The following LRMDA variants were observed in gnomAD, a reference collection of about 807,000 sequenced individuals.
The protein encoded by LRMDA is leucine-rich melanocyte differentiation-associated protein.
A neutral mutation model predicts 29.8 loss-of-function variants in LRMDA; 18 were observed. That is an observed-to-expected ratio of 0.60 (90% CI 0.42 to 0.90). The LOEUF (loss-of-function observed/expected upper bound fraction) is 0.90. LRMDA is among the 40% of genes least tolerant of loss of function. The pLI, the probability that LRMDA is intolerant of heterozygous loss-of-function variation, is 0.00. For synonymous variants in LRMDA, 125 were observed against 109.4 expected, an observed-to-expected ratio of 1.14 and a Z score of -0.89; for missense variants, 273 against 273.9, an observed-to-expected ratio of 1.00 and a Z score of 0.02.
chr10:75,609,564 T>G (rs1841001792), intron 2 of LRMDA, among the ~76,000 whole-genome samples: 1 of 152,154 alleles, frequency 6.6e-6, no homozygotes, highest in Non-Finnish European at 1.5e-5. Flanking sequence ...ATTGATTAAG[T>G]TGATGTAAGC....
chr10:75,517,364 CT>C (rs1291140326), intron 2 of LRMDA, among the ~76,000 whole-genome samples: 1 of 152,168 alleles, frequency 6.6e-6, no homozygotes, highest in Admixed American at 6.5e-5. Context: ...TTTGTGTCCT[CT>C]TTTATTTTGT....
chr10:75,984,483 G>C (rs1400987556), intron 2 of LRMDA, among the ~76,000 whole-genome samples: 1 of 152,224 alleles, frequency 6.6e-6, no homozygotes, highest in African/African-American at 2.4e-5. Context: ...CCATGTGGCT[G>C]GTCACGGTCC....
At chr10:76,161,233 A>G (rs751752348) in intron 5 of LRMDA, among the ~76,000 whole-genome samples, 1 of 152,140 alleles carries the variant, frequency 6.6e-6, no homozygotes, top group Non-Finnish European at 1.5e-5. Flanking sequence ...GAGCAATAAC[A>G]CCGGAATAAA....
chr10:76,262,282 G>A (rs1839953474), intron 5 of LRMDA, among the ~76,000 whole-genome samples: 1 of 152,056 alleles, frequency 6.6e-6, no homozygotes, highest in South Asian at 2.1e-4. Context: ...GGAATCACCG[G>A]GGTTCTCAGT....
At chr10:75,748,269 T>G (rs1842912940) in intron 2 of LRMDA, among the ~76,000 whole-genome samples, 1 of 152,130 alleles carries the variant, frequency 6.6e-6, no homozygotes, top group African/African-American at 2.4e-5. Context: ...AATTTTTGTA[T>G]TTTTACTAGA....
At chr10:75,765,614 G>C (rs527281225) in intron 2 of LRMDA, among the ~76,000 whole-genome samples, 1 of 151,982 alleles carries the variant, frequency 6.6e-6, no homozygotes, top group South Asian at 2.1e-4. Flanking sequence ...CACACAATTA[G>C]CATTCTGTGC....
Position 76,369,671 on chromosome 10 carries a change from G to A in LRMDA, c.601+45186G>A, listed in dbSNP as rs536269615. Reference sequence around the variant, plus strand: ...GCTGTCTAGGTCTCTTGCAAGGCCGGGAGAGTTTGCTTTGATTATTCCCCT... The same window carrying A: ...GCTGTCTAGGTCTCTTGCAAGGCCGAGAGAGTTTGCTTTGATTATTCCCCT... On this transcript the variant is annotated intron_variant, in intron 6 of 6. Transcript: ENST00000611255. 9.1e-4 allele frequency among the ~76,000 whole-genome samples: 139 copies of A among 152,176 alleles called. 1 individual carries two copies. Among genetic ancestry groups the A allele is most frequent in the African/African-American group, 3.3e-3 (136 of 41,526 alleles).
At chr10:75,861,455 T>G (rs1424349203) in intron 2 of LRMDA, among the ~76,000 whole-genome samples, 1 of 152,186 alleles carries the variant, frequency 6.6e-6, no homozygotes, top group East Asian at 1.9e-4. Context: ...AGAGGCAGAG[T>G]GGGACTGGCT....
At chr10:76,153,337 T>G (rs371045766) in intron 5 of LRMDA, among the ~76,000 whole-genome samples, 1 of 152,244 alleles carries the variant, frequency 6.6e-6, no homozygotes, top group East Asian at 1.9e-4. Flanking sequence ...TCAATGTATT[T>G]ATTGTTTTCT....
chr10:75,977,979 T>C (rs1371068609), intron 2 of LRMDA, among the ~76,000 whole-genome samples: 1 of 152,214 alleles, frequency 6.6e-6, no homozygotes, highest in Non-Finnish European at 1.5e-5. Context: ...GAATACTGCA[T>C]ATAAAGCGTT....
chr10:75,581,233 A>G (rs1840586566), intron 2 of LRMDA, among the ~76,000 whole-genome samples: 1 of 152,192 alleles, frequency 6.6e-6, no homozygotes, highest in African/African-American at 2.4e-5. Context: ...GAAAAAAACA[A>G]CCCCATCAAA....
chr10:75,649,929 C>T (rs1049341936), intron 2 of LRMDA, among the ~76,000 whole-genome samples: 5 of 152,168 alleles, frequency 3.3e-5, no homozygotes, highest in African/African-American at 1.2e-4. Flanking sequence ...TTTTGGAGAA[C>T]TGTCTATTCA....
chr10:76,037,504 T>A (rs1264822278), intron 3 of LRMDA, among the ~76,000 whole-genome samples: 1 of 152,250 alleles, frequency 6.6e-6, no homozygotes, highest in African/African-American at 2.4e-5. Flanking sequence ...TTTTCTTTAT[T>A]CTCTCAGATA....
Position 76,246,008 on chromosome 10 carries a change from T to G in LRMDA, c.517-78393T>G, listed in dbSNP as rs547349239. Among the ~76,000 whole-genome samples the G allele has an allele frequency of 6.6e-5, 10 of 152,320 alleles. No homozygotes were observed. In the East Asian group the frequency reaches 1.9e-3, roughly 29 times the overall value. On this transcript the variant is annotated intron_variant, in intron 5 of 6. Coordinates refer to ENST00000611255, the MANE Select transcript of LRMDA (RefSeq NM_001305581.2). ...ACGGTATATGCCACATACTAAAGAC[T>G]CTACAATTGTTTTCTCAATTGTCAC...
At chr10:76,428,131 T>C (rs918198590) in intron 6 of LRMDA, among the ~76,000 whole-genome samples, 3 of 152,192 alleles carry the variant, frequency 2.0e-5, no homozygotes, top group Non-Finnish European at 2.9e-5. Flanking sequence ...TCACTACTTC[T>C]TGTGGCTGAG....
intron 2 of LRMDA, among the ~76,000 whole-genome samples, chr10:75,633,429 T>G (rs2132114531): frequency 6.6e-6 from 1 of 152,342 alleles, no homozygotes; most frequent in South Asian, 2.1e-4. Flanking sequence ...CCTGTGTGGG[T>G]TTGTATTCTT....
intron 2 of LRMDA, among the ~76,000 whole-genome samples, chr10:75,852,168 C>T (rs187533142): frequency 6.6e-5 from 10 of 152,188 alleles, no homozygotes; most frequent in Non-Finnish European, 8.8e-5. Context: ...ATCATCTTGT[C>T]TCAACTTAAC....
At chr10:75,463,034 G>A (rs776995660) in intron 2 of LRMDA, among the ~76,000 whole-genome samples, 44 of 152,166 alleles carry the variant, frequency 2.9e-4, no homozygotes, top group Non-Finnish European at 2.9e-4. Flanking sequence ...CTGGACACCT[G>A]AGGCTCCGTT....
chr10:75,708,332 C>A (rs563739435), intron 2 of LRMDA, among the ~76,000 whole-genome samples: 18 of 152,294 alleles, frequency 1.2e-4, no homozygotes, highest in African/African-American at 4.3e-4. Context: ...CATAAACAAT[C>A]TTTCATTATT....
Sources: allele counts gnomAD v4.1 joint callset (sites outside exome capture counted in the v4.1 genomes callset), GRCh38; gene constraint gnomAD v4.1.1; transcripts MANE v1.5; gene names NCBI Gene and HGNC (gene_info 2026-07-23, HGNC 2026-07-21).